The following ADAMTS14 variants were observed in gnomAD, a reference collection of about 807,000 sequenced individuals.
The protein encoded by ADAMTS14 is ADAM metallopeptidase with thrombospondin type 1 motif 14, also known as A disintegrin and metalloproteinase with thrombospondin motifs 14.
ADAMTS14 carries 100 observed loss-of-function variants against 128.6 expected under a neutral mutation model. That is an observed-to-expected ratio of 0.78 (90% CI 0.66 to 0.92). The LOEUF is 0.92. Among genes scored for constraint, ADAMTS14 ranks in the 40% least tolerant of loss-of-function variants. The pLI is 0.00. For missense variants in ADAMTS14, 1,562 were observed against 1,658.6 expected, an observed-to-expected ratio of 0.94 and a Z score of 1.01; for synonymous variants, 665 against 653.8, an observed-to-expected ratio of 1.02 and a Z score of -0.26.
At chr10:70,693,766 A>G (rs1840255638) in intron 2 of ADAMTS14, among the ~76,000 whole-genome samples, 1 of 152,134 alleles carries the variant, frequency 6.6e-6, no homozygotes, top group South Asian at 2.1e-4. Context: ...AGCATCTTCC[A>G]GGGTGTGGGG....
At chr10:70,750,270 G>A (rs1293952862) in intron 16 of ADAMTS14, among the ~76,000 whole-genome samples, 3 of 152,210 alleles carry the variant, frequency 2.0e-5, no homozygotes, top group South Asian at 4.1e-4. Flanking sequence ...AGCCTGGAGG[G>A]AGGTTGGGCA....
Position 70,743,230 on chromosome 10 carries a change from G to A in ADAMTS14, c.1925-318G>A, listed in dbSNP as rs144580657. On this transcript the variant is annotated intron_variant, in intron 12 of 21. Transcript: ENST00000373207. ...CATGTGAAGGTTTTAGAAATATCTA[G>A]TACATAGTAAGCATTCACTAAGCAT... Among the ~76,000 whole-genome samples the A allele has an allele frequency of 3.6e-3, 544 of 152,302 alleles. 3 individuals are homozygous for A. Among genetic ancestry groups the A allele is most frequent in the Non-Finnish European group, 6.3e-3 (428 of 68,022 alleles).
rs777723972 is a variant in ADAMTS14, at chr10:70,741,083, C to T, written c.1845C>T (p.Ala615=). 1.9e-6 allele frequency: 3 copies of T among 1,614,012 alleles called. No individual in the cohort carries two copies. The highest frequency in any genetic ancestry group is 4.5e-5 in the East Asian group (2 of 44,876). Residue 615 remains alanine, a synonymous_variant, in exon 12 of 22, where the codon GCC becomes GCT. Transcript: ENST00000373207. ...CTGGGACCTACGAGGACTTCCGGGC[C>T]CAGCAGTGTGCCAAGCGCAACTCCT... is the stretch of plus-strand genomic sequence containing the variant. ...ECPGTYEDFR[A]QQCAKRNSYY... is the part of the protein sequence containing the mutation.
intron 16 of ADAMTS14, 95 bp downstream of exon 16, chr10:70,750,080 G>C: frequency 6.6e-7 from 1 of 1,515,394 alleles, no homozygotes; most frequent in South Asian, 1.3e-5. Context: ...CACCATTCTG[G>C]TGTCTTTAGG....
chr10:70,753,811 A>G lies in ADAMTS14; in HGVS notation c.2741A>G (p.Glu914Gly). 1.9e-6 allele frequency: 3 copies of G among 1,581,084 alleles called. No individual in the cohort carries two copies. The highest frequency in any genetic ancestry group is 2.6e-6 in the Non-Finnish European group (3 of 1,163,582). The change falls in exon 19 of 22, where the codon GAG becomes GGG. Residue 914 changes from glutamate to glycine, a missense_variant. Transcript: ENST00000373207. ...CACCCTGTTTCCAGGTGGGTGACGG[A>G]GGAGTGGGGTGCCTGCAGCCGGAGC... is the stretch of plus-strand genomic sequence containing the variant. ...HPCSQPVWVT[E>G]EWGACSRSCG...
In ADAMTS14 at chr10:70,733,909, G is replaced by A; in HGVS notation, c.1233G>A (p.Gln411=). The change falls in exon 8 of 22, where the codon CAG becomes CAA. Residue 411 remains glutamine, a synonymous_variant. Coordinates refer to ENST00000373207, the MANE Select transcript of ADAMTS14 (RefSeq NM_080722.4). ...GHVLGMEHDG[Q]GNGCADETSL... ...GGCTCGGCATGGAGCATGACGGTCA[G>A]GGGAATGGCTGTGCAGATGAGACCA... The A allele has an allele frequency of 6.2e-7, 1 of 1,613,790 alleles. No individual in the cohort carries two copies. Among genetic ancestry groups the A allele is most frequent in the South Asian group, 1.1e-5 (1 of 91,064 alleles).
At chr10:70,714,779 C>T (rs1356708690) in intron 4 of ADAMTS14, among the ~76,000 whole-genome samples, 1 of 151,830 alleles carries the variant, frequency 6.6e-6, no homozygotes, top group Non-Finnish European at 1.5e-5. Flanking sequence ...GAAACCCCGT[C>T]TTTACTAAAA....
chr10:70,692,323 G>A (rs767010297), intron 2 of ADAMTS14, among the ~76,000 whole-genome samples: 2 of 152,110 alleles, frequency 1.3e-5, no homozygotes, highest in Non-Finnish European at 2.9e-5. Flanking sequence ...GCTCCAGGAG[G>A]GCCATTTCCC....
intron 16 of ADAMTS14, among the ~76,000 whole-genome samples, 182 bp downstream of exon 16, chr10:70,750,167 G>A (rs1191214369): frequency 5.9e-5 from 9 of 152,244 alleles, no homozygotes; most frequent in Non-Finnish European, 1.2e-4. Flanking sequence ...AGGATGGCAA[G>A]TGAGGAGAGA....
chr10:70,679,587 C>A (rs1159690722), intron 2 of ADAMTS14, among the ~76,000 whole-genome samples: 1 of 152,218 alleles, frequency 6.6e-6, no homozygotes, highest in Non-Finnish European at 1.5e-5. Flanking sequence ...CCACCAGCCT[C>A]CTGAAGGGTT....
chr10:70,719,708 G>A (rs1841190081), intron 4 of ADAMTS14, among the ~76,000 whole-genome samples: 1 of 152,200 alleles, frequency 6.6e-6, no homozygotes, highest in Non-Finnish European at 1.5e-5. Flanking sequence ...GTGCCTGGCT[G>A]AAATAAGTTT....
At chr10:70,749,397 G>A (rs1468761493) in intron 15 of ADAMTS14, among the ~76,000 whole-genome samples, 1 of 152,154 alleles carries the variant, frequency 6.6e-6, no homozygotes, top group African/African-American at 2.4e-5. Flanking sequence ...CCATCAATCC[G>A]ACTCCAGAGT....
chr10:70,752,149 A>G lies in ADAMTS14; in HGVS notation c.2651A>G (p.Gln884Arg). 2 of 1,613,450 alleles carry G rather than the reference A, an allele frequency of 1.2e-6. No individual in the cohort carries two copies. Among genetic ancestry groups the G allele is most frequent in the Non-Finnish European group, 1.7e-6 (2 of 1,179,970 alleles). Residue 884 changes from glutamine (Q) to arginine (R), a missense_variant, in exon 18 of 22, where the codon CAG becomes CGG. By Grantham distance (43) the Gln-to-Arg change is conservative. Transcript: ENST00000373207. ...CRRRRDHHMV[Q>R]RHLCDHKKRP... ...CGCAGACGAGACCACCACATGGTGC[A>G]GCGACACCTGTGTGACCACAAGAAG...
chr10:70,732,022 T>C (rs1351229451), intron 6 of ADAMTS14, among the ~76,000 whole-genome samples: 2 of 152,136 alleles, frequency 1.3e-5, no homozygotes, highest in Non-Finnish European at 2.9e-5. Context: ...GGGGCGCTGA[T>C]AAACCCTGGG....
chr10:70,757,329 A>G (rs1842500379), intron 19 of ADAMTS14, among the ~76,000 whole-genome samples: 1 of 152,062 alleles, frequency 6.6e-6, no homozygotes, highest in Non-Finnish European at 1.5e-5. Context: ...ACACTTTTGA[A>G]CATACTTCTG....
At position 70,752,243 on chromosome 10, in the gene ADAMTS14, G is replaced by T. The variant is rs1384429113; in HGVS notation, c.2729+16G>T. 2 of 1,612,554 alleles carry T rather than the reference G, an allele frequency of 1.2e-6. No individual in the cohort carries two copies. The highest frequency in any genetic ancestry group is 1.7e-5 in the Admixed American group (1 of 59,902). On this transcript the variant is annotated intron_variant, in intron 18 of 21. Coordinates refer to ENST00000373207, the MANE Select transcript of ADAMTS14 (RefSeq NM_080722.4). ...CTCAGCCTGTGTGAGTGCTCCCAGG[G>T]AGGGACGGGGAGTCTGGTTCTATGC...
intron 2 of ADAMTS14, among the ~76,000 whole-genome samples, chr10:70,687,533 G>A (rs1345430828): frequency 6.2e-4 from 22 of 35,272 alleles, no homozygotes; most frequent in Admixed American, 2.1e-3. Flanking sequence ...CCTCCCTCCC[G>A]GATGGGGCGG....
chr10:70,759,203 A>G (rs1482262656), intron 21 of ADAMTS14, among the ~76,000 whole-genome samples: 1 of 134,830 alleles, frequency 7.4e-6, no homozygotes, highest in Non-Finnish European at 1.6e-5. Flanking sequence ...TCCCAAAGCA[A>G]AGGACGATTC....
intron 3 of ADAMTS14, among the ~76,000 whole-genome samples, chr10:70,703,967 G>T (rs1840573363): frequency 6.6e-6 from 1 of 152,226 alleles, no homozygotes; most frequent in South Asian, 2.1e-4. Flanking sequence ...GGCCAGTCGT[G>T]GGGCTGAGCC....
Sources: allele counts gnomAD v4.1 joint callset (sites outside exome capture counted in the v4.1 genomes callset), GRCh38; gene constraint gnomAD v4.1.1; transcripts MANE v1.5; gene names NCBI Gene and HGNC (gene_info 2026-07-23, HGNC 2026-07-21).